CADM2: variants seen among roughly 807,000 people sequenced by gnomAD.
CADM2 encodes cell adhesion molecule 2.
A neutral mutation model predicts 49.8 loss-of-function variants in CADM2; 12 were observed. That is an observed-to-expected ratio of 0.24 (90% CI 0.15 to 0.39). The LOEUF is 0.39. Ranked by LOEUF, CADM2 falls within the 10% of genes least tolerant of loss-of-function variation. The pLI is 1.00. For missense variants in CADM2, 378 were observed against 492.3 expected (o/e 0.77, Z 2.20); for synonymous variants, 214 against 175.4 (o/e 1.22, Z -1.74).
chr3:85,496,754 AT>A (rs1248279864), intron 1 of CADM2, among the ~76,000 whole-genome samples: 1 of 152,140 alleles, frequency 6.6e-6, no homozygotes, highest in Non-Finnish European at 1.5e-5. Context: ...GTAAGATGTT[AT>A]CTCACTGTGG....
chr3:85,922,870 G>A (rs1342194342), intron 6 of CADM2, among the ~76,000 whole-genome samples: 33 of 150,088 alleles, frequency 2.2e-4, no homozygotes, highest in African/African-American at 7.8e-4. Context: ...CACCCAGGCT[G>A]GAGTGCAGTG....
At chr3:85,620,545 T>A (rs1054046670) in intron 1 of CADM2, among the ~76,000 whole-genome samples, 1 of 152,082 alleles carries the variant, frequency 6.6e-6, no homozygotes, top group African/African-American at 2.4e-5. Context: ...GAATTTCCAT[T>A]ATAAAATGGA....
At chr3:86,020,709 G>T (rs1326730757) in intron 8 of CADM2, among the ~76,000 whole-genome samples, 1 of 151,994 alleles carries the variant, frequency 6.6e-6, no homozygotes, top group Non-Finnish European at 1.5e-5. Context: ...ATGTAATCCA[G>T]CATATAAACA....
rs183151334 is a variant in CADM2, at chr3:85,921,025, G to A, written c.700+8482G>A. On this transcript the variant is annotated intron_variant, in intron 6 of 9. Coordinates refer to ENST00000383699, the MANE Select transcript of CADM2 (RefSeq NM_001167675.2). ...AAACATAACATCAAAATTATGGAAT[G>A]TATGTATAGTACAGATGTTAGTGAA... Among the ~76,000 whole-genome samples, 182 of 151,888 alleles carry A rather than the reference G, an allele frequency of 1.2e-3. 1 individual carries two copies. Among genetic ancestry groups the A allele is most frequent in the African/African-American group, 4.1e-3 (171 of 41,534 alleles).
rs749591150 is a variant in CADM2, at chr3:85,726,508, T to G, written c.62-14T>G. 1 of 1,612,334 alleles carries G rather than the reference T, an allele frequency of 6.2e-7. No individual in the cohort carries two copies. The highest frequency in any genetic ancestry group is 1.7e-5 in the Admixed American group (1 of 59,998). The stretch of plus-strand genomic sequence containing the variant: ...TGTTTGTTCTCTTCTTGTGCAACCT[T>G]TCCTTGGTACCAGCGGCTGCTTCAA... On this transcript the variant is annotated splice_polypyrimidine_tract_variant and intron_variant, in intron 1 of 9. Transcript: ENST00000383699.
chr3:85,750,856 C>T (rs2068830848), intron 2 of CADM2, among the ~76,000 whole-genome samples: 1 of 151,802 alleles, frequency 6.6e-6, no homozygotes, highest in African/African-American at 2.4e-5. Context: ...CACCATTTAC[C>T]GTATGTTATA....
At chr3:86,019,715 T>G (rs2107017592) in intron 8 of CADM2, among the ~76,000 whole-genome samples, 1 of 152,258 alleles carries the variant, frequency 6.6e-6, no homozygotes, top group Admixed American at 6.5e-5. Flanking sequence ...TTGTGATTTT[T>G]GTACATTGAT....
chr3:85,006,264 G>A (rs572491459), intron 1 of CADM2, among the ~76,000 whole-genome samples: 5 of 152,206 alleles, frequency 3.3e-5, no homozygotes, highest in African/African-American at 9.6e-5. Context: ...TAATCAAAGG[G>A]CATAATTTGT....
At chr3:85,533,174 A>G (rs754468792) in intron 1 of CADM2, among the ~76,000 whole-genome samples, 2 of 152,218 alleles carry the variant, frequency 1.3e-5, no homozygotes. Flanking sequence ...AGACAACATG[A>G]AAATCTCACT....
intron 1 of CADM2, among the ~76,000 whole-genome samples, chr3:85,660,175 G>A (rs1340369656): frequency 6.6e-6 from 1 of 152,004 alleles, no homozygotes; most frequent in Non-Finnish European, 1.5e-5. Flanking sequence ...CTGCAAAAAG[G>A]GTAAGAGATT....
rs532658593 is a variant in CADM2 at position 86,034,096 on chromosome 3, A to G, written c.971-31509A>G. On this transcript the variant is annotated intron_variant, in intron 8 of 9. Transcript: ENST00000383699. ...TTTACAGAGATTAAAAATAATTAGA[A>G]CCACCATGCTTACTACTTACTTACT... Among the ~76,000 whole-genome samples the G allele has an allele frequency of 1.4e-3, 214 of 151,966 alleles. 1 individual carries two copies. Among genetic ancestry groups the G allele is most frequent in the Middle Eastern group, 0.01 (3 of 294 alleles).
intron 1 of CADM2, among the ~76,000 whole-genome samples, chr3:85,037,172 A>C (rs1047142146): frequency 6.6e-6 from 1 of 152,074 alleles, no homozygotes; most frequent in Non-Finnish European, 1.5e-5. Flanking sequence ...TCCATCTCTA[A>C]AAAAAACAAA....
At chr3:85,446,763 G>A (rs1055071788) in intron 1 of CADM2, among the ~76,000 whole-genome samples, 3 of 149,228 alleles carry the variant, frequency 2.0e-5, no homozygotes, top group African/African-American at 4.9e-5. Flanking sequence ...CCACCACACC[G>A]AGCTAATTTT....
At chr3:85,871,886 C>T (rs765237601) in intron 3 of CADM2, among the ~76,000 whole-genome samples, 21 of 152,134 alleles carry the variant, frequency 1.4e-4, no homozygotes, top group Non-Finnish European at 2.8e-4. Context: ...GGAAAATTCC[C>T]CAAAATATTT....
chr3:85,358,101 G>A (rs115157847), intron 1 of CADM2, among the ~76,000 whole-genome samples: 1,776 of 152,166 alleles, frequency 0.012, 32 homozygotes, highest in African/African-American at 0.041. Flanking sequence ...TGGGAGACCA[G>A]CCTATGAATT....
At chr3:85,307,963 A>C (rs1181833083) in intron 1 of CADM2, among the ~76,000 whole-genome samples, 1 of 151,358 alleles carries the variant, frequency 6.6e-6, no homozygotes, top group Non-Finnish European at 1.5e-5. Context: ...AAACACAATA[A>C]TTTTTAAAAA....
chr3:86,041,421 G>A (rs1462179721), intron 8 of CADM2, among the ~76,000 whole-genome samples: 1 of 152,024 alleles, frequency 6.6e-6, no homozygotes, highest in Non-Finnish European at 1.5e-5. Flanking sequence ...AAAAAGGCAG[G>A]GGTTGCAATC....
intron 1 of CADM2, among the ~76,000 whole-genome samples, chr3:85,579,659 G>A (rs965060911): frequency 7.9e-5 from 12 of 151,878 alleles, no homozygotes; most frequent in Non-Finnish European, 1.5e-5. Context: ...AAATTATTAA[G>A]GTAATATTAA....
chr3:85,396,417 C>A (rs2034793919), intron 1 of CADM2, among the ~76,000 whole-genome samples: 1 of 151,880 alleles, frequency 6.6e-6, no homozygotes, highest in Non-Finnish European at 1.5e-5. Flanking sequence ...TCCTATGAGA[C>A]TGGCAATGAC....
Sources: gnomAD v4.1 joint callset for allele counts (sites outside exome capture counted in the v4.1 genomes callset) on GRCh38, gnomAD v4.1.1 for gene constraint, MANE v1.5 for transcripts, NCBI Gene and HGNC (gene_info 2026-07-23, HGNC 2026-07-21) for gene names.